The following DZIP3 variants were observed in gnomAD, a reference collection of about 807,000 sequenced individuals.
The protein encoded by DZIP3 is E3 ubiquitin-protein ligase DZIP3.
DZIP3 carries 118 observed loss-of-function variants against 162.0 expected under a neutral mutation model. The observed-to-expected ratio is 0.73, with a 90% CI of 0.63 to 0.85. The LOEUF is 0.85. Ranked by LOEUF, DZIP3 falls within the 40% of genes least tolerant of loss-of-function variation. The pLI is 0.00. For missense variants in DZIP3, 1,331 were observed against 1,407.0 expected (o/e 0.95, Z 0.86); for synonymous variants, 438 against 458.6 (o/e 0.96, Z 0.57).
chr3:108,681,457 T>C (rs555877242), intron 26 of DZIP3, among the ~76,000 whole-genome samples: 5 of 152,136 alleles, frequency 3.3e-5, no homozygotes, highest in Admixed American at 2.0e-4. Flanking sequence ...TATGGAGAAA[T>C]AGGAACACTT....
chr3:108,660,258 C>T (rs1044888481), intron 19 of DZIP3, among the ~76,000 whole-genome samples: 23 of 152,134 alleles, frequency 1.5e-4, no homozygotes, highest in Non-Finnish European at 2.6e-4. Context: ...GCTACAGTAA[C>T]GAAAACAGCA....
At chr3:108,610,774 A>G (rs9828374) in intron 3 of DZIP3, among the ~76,000 whole-genome samples, 1 of 152,196 alleles carries the variant, frequency 6.6e-6, no homozygotes, top group African/African-American at 2.4e-5. Context: ...TTAATTCTGT[A>G]AGAATAAATT....
chr3:108,672,978 A>G (rs1019391579), intron 23 of DZIP3, among the ~76,000 whole-genome samples: 2 of 151,942 alleles, frequency 1.3e-5, no homozygotes, highest in Non-Finnish European at 1.5e-5. Context: ...TTCTAATAAT[A>G]GCATTTTACT....
chr3:108,637,655 T>TTAAGGTAGTAG (rs1279902816), intron 12 of DZIP3, 107 bp downstream of exon 12: 3 of 594,796 alleles, frequency 5.0e-6, no homozygotes, highest in Non-Finnish European at 7.3e-6. Flanking sequence ...GCATTAAATT[T>TTAAGGTAGTAG]TAAGGTATGT....
Position 108,646,634 on chromosome 3 carries a change from A to G in DZIP3, c.1777A>G (p.Ile593Val), listed in dbSNP as rs1356303529. ...CYQQGIALQSITGSQRIEIEE... is the reference protein window; with the variant it reads ...CYQQGIALQSVTGSQRIEIEE... ...TATTATAGGAATTGCTCTACAGTCA[A>G]TAACAGGCAGTCAGCGTAAGTATAT... is the stretch of plus-strand genomic sequence containing the variant. The change falls in exon 15 of 33, where the codon ATA becomes GTA. Residue 593 changes from isoleucine to valine, a missense_variant. Physicochemically the swap from Ile to Val is conservative, Grantham distance 29 (BLOSUM62 3). Coordinates refer to ENST00000361582, the MANE Select transcript of DZIP3 (RefSeq NM_014648.4). The G allele has an allele frequency of 1.3e-6, 2 of 1,565,470 alleles. No individual in the cohort carries two copies. The highest frequency in any genetic ancestry group is 1.2e-5 in the South Asian group (1 of 84,828).
chr3:108,656,819 C>A (rs1006826973), intron 19 of DZIP3, among the ~76,000 whole-genome samples: 21 of 152,186 alleles, frequency 1.4e-4, no homozygotes, highest in African/African-American at 4.8e-4. Context: ...CTGAAAACCA[C>A]AGCACAAGAA....
Position 108,619,738 on chromosome 3 carries a change from G to A in DZIP3, c.375+3081G>A, listed in dbSNP as rs529935304. Among the ~76,000 whole-genome samples, 10 of 152,128 alleles carry A rather than the reference G, an allele frequency of 6.6e-5. No individual in the cohort carries two copies. In the South Asian group the frequency reaches 2.1e-3, roughly 32 times the overall value. On this transcript the variant is annotated intron_variant, in intron 5 of 32. Coordinates refer to ENST00000361582, the MANE Select transcript of DZIP3 (RefSeq NM_014648.4). ...AAAGGCAAATTTCATCTGGAAACACGCTCAGAGACACACCCAGAAACAATA... is the reference window on the plus strand; with the variant it reads ...AAAGGCAAATTTCATCTGGAAACACACTCAGAGACACACCCAGAAACAATA...
At chr3:108,606,867 A>G (rs913010986) in intron 2 of DZIP3, among the ~76,000 whole-genome samples, 18 of 152,192 alleles carry the variant, frequency 1.2e-4, no homozygotes, top group African/African-American at 3.6e-4. Flanking sequence ...GGATGTTTCA[A>G]AAGCTTCACA....
intron 6 of DZIP3, 93 bp from the exon 7 acceptor site, chr3:108,625,752 C>A: frequency 3.9e-6 from 5 of 1,269,978 alleles, no homozygotes; most frequent in Non-Finnish European, 4.2e-6. Flanking sequence ...TTTAAAGCTG[C>A]CCTAATTTCT....
chr3:108,675,129 A>G (rs180729838), intron 24 of DZIP3, among the ~76,000 whole-genome samples: 8 of 151,994 alleles, frequency 5.3e-5, no homozygotes, highest in African/African-American at 1.7e-4. Flanking sequence ...AATGGATAGA[A>G]CCTTTTAAAA....
chr3:108,589,604 GC>G, upstream of DZIP3: 1 of 401,086 alleles, frequency 2.5e-6, no homozygotes. Flanking sequence ...GTTGGGAGCT[GC>G]CCCCGCTAAC....
intron 8 of DZIP3, among the ~76,000 whole-genome samples, chr3:108,629,773 A>G (rs1355155480): frequency 1.3e-5 from 2 of 151,540 alleles, no homozygotes; most frequent in African/African-American, 4.8e-5. Context: ...GCCATATTAT[A>G]CAATGCGATT....
At chr3:108,662,363 G>A in intron 21 of DZIP3, 106 bp downstream of exon 21, 2 of 1,349,026 alleles carry the variant, frequency 1.5e-6, no homozygotes, top group African/African-American at 2.9e-5. Context: ...CTACACATTA[G>A]GAACCTCAAC....
Position 108,694,235 on chromosome 3 carries a change from A to G in DZIP3, c.*882A>G, listed in dbSNP as rs1348877754. 3 of 152,174 alleles carry G rather than the reference A, an allele frequency of 2.0e-5. No homozygotes were observed. The highest frequency in any genetic ancestry group is 4.8e-5 in the African/African-American group (2 of 41,442). The allele number at this position is 152,174 out of a possible 1,614,324, so 9.4% of individuals were successfully genotyped here. On this transcript the variant is annotated 3_prime_UTR_variant, in exon 33 of 33. Coordinates refer to ENST00000361582, the MANE Select transcript of DZIP3 (RefSeq NM_014648.4). ...TTAAACGTATTCTTCTGTAATGAGA[A>G]TAGACTGGAACATGTGAGGGAAAAA...
chr3:108,675,018 T>A (rs1263778644), intron 24 of DZIP3, among the ~76,000 whole-genome samples: 2 of 151,858 alleles, frequency 1.3e-5, no homozygotes, highest in Admixed American at 6.6e-5. Flanking sequence ...GCTCTATACA[T>A]TAGGATATTA....
chr3:108,619,693 T>TA (rs1338444879), intron 5 of DZIP3, among the ~76,000 whole-genome samples: 1 of 152,144 alleles, frequency 6.6e-6, no homozygotes, highest in Non-Finnish European at 1.5e-5. Context: ...GGCAACCTGT[T>TA]ATACCCAGTC....
intron 21 of DZIP3, among the ~76,000 whole-genome samples, chr3:108,668,484 T>A (rs1354720387): frequency 6.6e-6 from 1 of 152,024 alleles, no homozygotes; most frequent in Non-Finnish European, 1.5e-5. Flanking sequence ...TCCCCACTAG[T>A]TATGTCTACT....
At chr3:108,690,708 G>A in intron 31 of DZIP3, 79 bp from the exon 32 acceptor site, 1 of 1,293,094 alleles carries the variant, frequency 7.7e-7, no homozygotes. Context: ...ATGTTGGTTG[G>A]TAACCCTGAT....
intron 19 of DZIP3, among the ~76,000 whole-genome samples, chr3:108,655,434 T>C (rs1211326500): frequency 6.6e-6 from 1 of 152,144 alleles, no homozygotes; most frequent in Non-Finnish European, 1.5e-5. Flanking sequence ...ATGGAAATAA[T>C]GACTGCCTAT....
Sources: gnomAD v4.1 joint callset for allele counts (sites outside exome capture counted in the v4.1 genomes callset) on GRCh38, gnomAD v4.1.1 for gene constraint, MANE v1.5 for transcripts, NCBI Gene and HGNC (gene_info 2026-07-23, HGNC 2026-07-21) for gene names.